The following SCARB1 variants were observed in gnomAD, a reference collection of about 807,000 sequenced individuals.
The protein encoded by SCARB1 is CD36 and LIMPII analogous 1.
SCARB1 carries 30 observed loss-of-function variants against 57.2 expected under a neutral mutation model. That is an observed-to-expected ratio of 0.52 (90% confidence interval 0.39 to 0.71). The LOEUF is 0.71. SCARB1 is among the 30% of genes least tolerant of loss of function. The pLI is 0.00. For synonymous variants in SCARB1, 249 were observed against 268.3 expected, an observed-to-expected ratio of 0.93 and a Z score of 0.70; for missense variants, 543 against 671.2, an observed-to-expected ratio of 0.81 and a Z score of 2.11.
chr12:124,782,091 T>A (rs1418534156), intron 12 of SCARB1, among the ~76,000 whole-genome samples: 2 of 152,064 alleles, frequency 1.3e-5, no homozygotes, highest in Non-Finnish European at 2.9e-5. Flanking sequence ...GTATTTTTAG[T>A]AGAGACAGGT....
At chr12:124,821,162 C>T (rs930702075) in intron 1 of SCARB1, among the ~76,000 whole-genome samples, 10 of 151,962 alleles carry the variant, frequency 6.6e-5, no homozygotes, top group South Asian at 2.1e-4. Flanking sequence ...GACTTGAGCC[C>T]AGGAAGCAGA....
At chr12:124,792,202 A>T (rs1038990932) in intron 9 of SCARB1, among the ~76,000 whole-genome samples, 12 of 152,176 alleles carry the variant, frequency 7.9e-5, no homozygotes, top group African/African-American at 2.4e-4. Flanking sequence ...AGCAAGGAGC[A>T]CAGAAGCTTC....
At chr12:124,820,858 G>A (rs901250288) in intron 1 of SCARB1, among the ~76,000 whole-genome samples, 4 of 152,276 alleles carry the variant, frequency 2.6e-5, no homozygotes, top group South Asian at 2.1e-4. Flanking sequence ...CGGGTTTCCC[G>A]GTGTGCACAC....
rs1431155955 is a variant in SCARB1, at chr12:124,796,793, T to C, written c.1129-1525A>G. Among the ~76,000 whole-genome samples, 1 of 152,152 alleles carries C rather than the reference T, an allele frequency of 6.6e-6. No individual in the cohort carries two copies. Among genetic ancestry groups the C allele is most frequent in the Non-Finnish European group, 1.5e-5 (1 of 68,026 alleles). On this transcript the variant is annotated intron_variant, in intron 8 of 12. Coordinates refer to ENST00000261693, the MANE Select transcript of SCARB1 (RefSeq NM_005505.5). This position sits in a 1 kb window ranked among gnomAD's most constrained non-coding sequence, Gnocchi z 4.0. ...CTTACGCCCACGACTGGGGAGTGCT[T>C]GCCCTCGAGAGCCTGGTGGGATGGG...
At chr12:124,843,097 A>G (rs558128324) in intron 1 of SCARB1, among the ~76,000 whole-genome samples, 7 of 152,222 alleles carry the variant, frequency 4.6e-5, no homozygotes, top group Admixed American at 4.6e-4. Context: ...TGATCTTTCC[A>G]GAAGGCTGAC....
chr12:124,789,197 G>A lies in SCARB1; in HGVS notation c.1203-1740C>T, dbSNP rs180696329. Among the ~76,000 whole-genome samples the A allele has an allele frequency of 2.6e-5, 4 of 152,322 alleles. No individual in the cohort carries two copies. Among genetic ancestry groups the A allele is most frequent in the African/African-American group, 9.6e-5 (4 of 41,576 alleles). Reference sequence around the variant, plus strand: ...TCAACAGTGATACAGTATGTTGACGGAATGTACCCAAGATGCTCTGAAACT... The same window carrying A: ...TCAACAGTGATACAGTATGTTGACGAAATGTACCCAAGATGCTCTGAAACT... On this transcript the variant is annotated intron_variant, in intron 9 of 12. Coordinates refer to ENST00000261693, the MANE Select transcript of SCARB1 (RefSeq NM_005505.5). The surrounding 1 kb of genome is among the most constrained non-coding windows in gnomAD (Gnocchi z 4.4).
chr12:124,791,816 C>T (rs896027711), intron 9 of SCARB1, among the ~76,000 whole-genome samples: 2 of 152,052 alleles, frequency 1.3e-5, no homozygotes, highest in African/African-American at 4.8e-5. Flanking sequence ...ATTTGCTGGG[C>T]GTGGTGGCGG....
Position 124,844,879 on chromosome 12 carries a change from G to A in SCARB1, c.126+18716C>T, listed in dbSNP as rs886556524. ...TGCCCAGACTGGAGTGCAGTGGCAC[G>A]ATCTCGGCTCACTGCAACCTCTGCC... On this transcript the variant is annotated intron_variant, in intron 1 of 12. Transcript: ENST00000261693. Among the ~76,000 whole-genome samples the A allele has an allele frequency of 8.1e-5, 12 of 148,602 alleles. 1 individual carries two copies. Among genetic ancestry groups the A allele is most frequent in the Admixed American group, 6.2e-4 (9 of 14,566 alleles).
intron 1 of SCARB1, among the ~76,000 whole-genome samples, chr12:124,845,841 C>G (rs1452007392): frequency 2.9e-5 from 4 of 137,634 alleles, no homozygotes; most frequent in African/African-American, 1.1e-4. Flanking sequence ...CCCGTCTCTA[C>G]TAAAAATACA....
chr12:124,842,428 C>T (rs1345627325), intron 1 of SCARB1, among the ~76,000 whole-genome samples: 1 of 152,268 alleles, frequency 6.6e-6, no homozygotes, highest in Non-Finnish European at 1.5e-5. Flanking sequence ...CCTCCCCACA[C>T]ACCTCCCAGG....
chr12:124,850,415 T>C (rs908989153), intron 1 of SCARB1, among the ~76,000 whole-genome samples: 4 of 151,576 alleles, frequency 2.6e-5, no homozygotes, highest in African/African-American at 4.9e-5. Flanking sequence ...CTCACACCTG[T>C]AATCCCAGCA....
intron 1 of SCARB1, among the ~76,000 whole-genome samples, chr12:124,825,139 C>T (rs544734984): frequency 3.4e-5 from 5 of 147,878 alleles, no homozygotes; most frequent in African/African-American, 1.2e-4. Context: ...GCAGGAGAAT[C>T]GCTTGAATCC....
At chr12:124,847,630 G>A (rs1952218229) in intron 1 of SCARB1, among the ~76,000 whole-genome samples, 1 of 152,240 alleles carries the variant, frequency 6.6e-6, no homozygotes, top group African/African-American at 2.4e-5. Flanking sequence ...GGTGGGCAGA[G>A]GCTGGCCGAG....
chr12:124,835,483 C>T (rs978108744), intron 1 of SCARB1, among the ~76,000 whole-genome samples: 1 of 152,126 alleles, frequency 6.6e-6, no homozygotes, highest in African/African-American at 2.4e-5. Flanking sequence ...GTTGCCCAGG[C>T]TGGTCTGAAA....
chr12:124,837,534 G>GAAAGAAAAGA (rs1183802916), intron 1 of SCARB1, among the ~76,000 whole-genome samples: 852 of 79,358 alleles, frequency 0.011, 33 homozygotes, highest in African/African-American at 0.046. Flanking sequence ...GAAAGAAAAA[G>GAAAGAAAAGA]AAAGAAAAGA....
At chr12:124,829,868 A>G (rs7135223) in intron 1 of SCARB1, among the ~76,000 whole-genome samples, 99,593 of 152,058 alleles carry the variant, frequency 0.65, 33,371 homozygotes, top group African/African-American at 0.79. Flanking sequence ...CCATCACATT[A>G]TATTCATCAC....
In SCARB1 at chr12:124,787,571, C is replaced by A. The variant is rs1008274942; in HGVS notation, c.1203-114G>T. On this transcript the variant is annotated intron_variant, in intron 9 of 12. Coordinates refer to ENST00000261693, the MANE Select transcript of SCARB1 (RefSeq NM_005505.5). ...TTAGTATAATTTTGCACACACTAAA[C>A]CCTCACCACCAAATATAAACAATGA... 8.2e-6 allele frequency: 7 copies of A among 851,766 alleles called. No individual in the cohort carries two copies. The African/African-American group carries it at 1.0e-4, about 12-fold the overall frequency. The allele number at this position is 851,766 out of a possible 1,614,324, so 52.8% of individuals were successfully genotyped here.
rs980973521 is a variant in SCARB1, at chr12:124,817,063, T to A, written c.284+487A>T. On this transcript the variant is annotated intron_variant, in intron 2 of 12. Coordinates refer to ENST00000261693, the MANE Select transcript of SCARB1 (RefSeq NM_005505.5). The surrounding 1 kb of genome is among the most constrained non-coding windows in gnomAD (Gnocchi z 4.8). Reference sequence around the variant, plus strand: ...GTGTGTGTGTGTATGTGTGTATGCATGTGTAGGTACATGTGTGTGTATGTA... The same window carrying A: ...GTGTGTGTGTGTATGTGTGTATGCAAGTGTAGGTACATGTGTGTGTATGTA... 6.0e-5 allele frequency among the ~76,000 whole-genome samples: 9 copies of A among 150,032 alleles called. No individual in the cohort carries two copies. The highest frequency in any genetic ancestry group is 2.3e-4 in the African/African-American group (9 of 39,798).
intron 1 of SCARB1, among the ~76,000 whole-genome samples, chr12:124,834,405 G>C (rs1387108710): frequency 6.6e-6 from 1 of 152,240 alleles, no homozygotes; most frequent in Non-Finnish European, 1.5e-5. Flanking sequence ...CCAACAAGGG[G>C]CTGAGGGTCC....
Sources: gnomAD v4.1 joint callset for allele counts (sites outside exome capture counted in the v4.1 genomes callset) on GRCh38, gnomAD v4.1.1 for gene constraint, Gnocchi (gnomAD v3.1) non-coding constraint, MANE v1.5 for transcripts, NCBI Gene and HGNC (gene_info 2026-07-23, HGNC 2026-07-21) for gene names.